Variants in FRMPD2 observed in about 807,000 individuals in gnomAD.
The protein encoded by FRMPD2 is FERM and PDZ domain containing 2.
FRMPD2 carries 96 observed loss-of-function variants against 140.1 expected under a neutral mutation model. That is an observed-to-expected ratio of 0.69 (90% confidence interval 0.58 to 0.81). The LOEUF is 0.81. Among genes scored for constraint, FRMPD2 ranks in the 40% least tolerant of loss-of-function variants. The probability of loss-of-function intolerance (pLI) is 0.00; values close to 1 mark genes in which losing one functional copy is unlikely to be tolerated. For missense variants in FRMPD2, 1,240 were observed against 1,447.4 expected, an observed-to-expected ratio of 0.86 and a Z score of 2.32; for synonymous variants, 449 against 547.6, an observed-to-expected ratio of 0.82 and a Z score of 2.52.
upstream of FRMPD2, chr10:48,274,805 G>A (rs894338482): frequency 2.3e-5 from 12 of 521,250 alleles, no homozygotes; most frequent in African/African-American, 2.1e-4. Flanking sequence ...CCTGTTAGCA[G>A]GCACTGCCAC....
chr10:48,198,140 T>A lies in FRMPD2; in HGVS notation c.1954+3088A>T, dbSNP rs146374578. 5.1e-3 allele frequency among the ~76,000 whole-genome samples: 773 copies of A among 152,338 alleles called. 5 individuals are homozygous for A. Among genetic ancestry groups the A allele is most frequent in the African/African-American group, 0.017 (691 of 41,560 alleles). The stretch of plus-strand genomic sequence containing the variant: ...GCCCCATTTTAACCAATAGTCTTAC[T>A]CTTAGTTATAACAATAATACACATT... On this transcript the variant is annotated intron_variant, in intron 15 of 28. Transcript: ENST00000374201.
At chr10:48,185,116 T>C (rs556694903) in intron 18 of FRMPD2, among the ~76,000 whole-genome samples, 59 of 152,320 alleles carry the variant, frequency 3.9e-4, no homozygotes, top group African/African-American at 1.4e-3. Flanking sequence ...AAACCACCAA[T>C]ATGCACTGGA....
intron 16 of FRMPD2, among the ~76,000 whole-genome samples, chr10:48,188,265 C>T (rs1838739602): frequency 6.6e-6 from 1 of 152,194 alleles, no homozygotes; most frequent in African/African-American, 2.4e-5. Context: ...ACCCTTGGAG[C>T]TGTGACACCA....
chr10:48,261,513 A>T (rs1840590191), intron 1 of FRMPD2, among the ~76,000 whole-genome samples: 1 of 152,154 alleles, frequency 6.6e-6, no homozygotes, highest in African/African-American at 2.4e-5. Flanking sequence ...TTTAAAGTGT[A>T]AAAATAAAAA....
rs1840207448 is a variant in FRMPD2 at position 48,244,816 on chromosome 10, A to C, written c.343T>G (p.Trp115Gly). The change falls in exon 4 of 29, where the codon TGG (tryptophan) becomes GGG (glycine). Residue 115 changes from tryptophan to glycine, a missense_variant. Around this residue, in one of 6 missense-constraint regions of FRMPD2, gnomAD observed 1,161 missense variants for 1,055.9 expected, o/e 1.10. Transcript: ENST00000374201. The part of the protein sequence containing the change: ...HVYSLGMTLY[W>G]SAGFHVPPHQ... Reference sequence around the variant, plus strand: ...GGCGGAACATGAAACCCTGCTGACCAGTAGAGGGTCATTCCTAAAGAATAG... The same window carrying C: ...GGCGGAACATGAAACCCTGCTGACCCGTAGAGGGTCATTCCTAAAGAATAG... 1 of 1,613,482 alleles carries C rather than the reference A, an allele frequency of 6.2e-7. No homozygotes were observed. The highest frequency in any genetic ancestry group is 1.3e-5 in the African/African-American group (1 of 74,920).
At chr10:48,233,077 C>T (rs747526378) in intron 9 of FRMPD2, among the ~76,000 whole-genome samples, 1 of 152,294 alleles carries the variant, frequency 6.6e-6, no homozygotes, top group South Asian at 2.1e-4. Flanking sequence ...CCTGAGTATC[C>T]CCATGTCCCA....
In FRMPD2 at chr10:48,157,128, C is replaced by T; in HGVS notation, c.*194G>A. On this transcript the variant is annotated 3_prime_UTR_variant, in exon 29 of 29. Transcript: ENST00000374201. ...GCGGCAAGCTGAAGTGACATTTACT[C>T]CCCGCGGAAGGACACAGGAGGCAGA... is the stretch of plus-strand genomic sequence containing the variant. The T allele has an allele frequency of 3.1e-6, 2 of 641,914 alleles. No homozygotes were observed. Among genetic ancestry groups the T allele is most frequent in the Non-Finnish European group, 5.8e-6 (2 of 347,802 alleles). 39.8% of individuals were successfully genotyped at this position (641,914 alleles called of 1,614,324 possible).
At chr10:48,269,984 T>C (rs917402056) in intron 1 of FRMPD2, among the ~76,000 whole-genome samples, 1 of 152,114 alleles carries the variant, frequency 6.6e-6, no homozygotes, top group Admixed American at 6.5e-5. Context: ...CACAGTGATA[T>C]CTACAAAGAG....
At chr10:48,254,327 C>G (rs1222869925) in intron 1 of FRMPD2, among the ~76,000 whole-genome samples, 1 of 152,172 alleles carries the variant, frequency 6.6e-6, no homozygotes. Context: ...GCAGGTAGGC[C>G]AAGATTTGTA....
At chr10:48,258,212 C>T (rs933766912) in intron 1 of FRMPD2, among the ~76,000 whole-genome samples, 1 of 152,220 alleles carries the variant, frequency 6.6e-6, no homozygotes, top group Non-Finnish European at 1.5e-5. Context: ...AGAAGGCAAA[C>T]TGCATTTTTC....
At chr10:48,261,278 A>C (rs1219634054) in intron 1 of FRMPD2, among the ~76,000 whole-genome samples, 1 of 152,154 alleles carries the variant, frequency 6.6e-6, no homozygotes, top group Non-Finnish European at 1.5e-5. Flanking sequence ...ACCAAACCAC[A>C]GATCTAGGAA....
At chr10:48,271,451 G>A (rs1464955670) in intron 1 of FRMPD2, among the ~76,000 whole-genome samples, 1 of 152,206 alleles carries the variant, frequency 6.6e-6, no homozygotes, top group Non-Finnish European at 1.5e-5. Flanking sequence ...CTATTGAAGA[G>A]TGAGTTCTGA....
At chr10:48,207,078 G>T (rs1839217876) in intron 13 of FRMPD2, 145 bp from the exon 14 acceptor site, 4 of 671,166 alleles carry the variant, frequency 6.0e-6, no homozygotes, top group African/African-American at 3.7e-5. Flanking sequence ...GAAACACTGG[G>T]TCAAACAGAT....
Position 48,168,623 on chromosome 10 carries a change from G to A in FRMPD2, c.3509C>T (p.Ala1170Val), listed in dbSNP as rs1478579196. ...CCATTCCTGCTCCAGCTCAGGCAGCGCACCTGGAGGGGGTCGGCAAAGGAG... is the reference window on the plus strand; with the variant it reads ...CCATTCCTGCTCCAGCTCAGGCAGCACACCTGGAGGGGGTCGGCAAAGGAG... ...TLLLCRPPPG[A>V]LPELEQEWQT... The change falls in exon 27 of 29, where the codon GCG (alanine) becomes GTG (valine). Residue 1170 changes from alanine to valine, a missense_variant. This residue lies in a region of FRMPD2 where 30 missense variants were observed against 227.5 expected (regional missense o/e 0.13). Transcript: ENST00000374201. 2.4e-5 allele frequency: 27 copies of A among 1,119,584 alleles called. 9 individuals are homozygous for A. The highest frequency in any genetic ancestry group is 3.0e-5 in the Non-Finnish European group (24 of 791,372). 69.4% of individuals were successfully genotyped at this position (1,119,584 alleles called of 1,614,324 possible). A position where few individuals can be genotyped will look rare whatever the true frequency, so the allele number is the denominator to read the frequency against.
intron 8 of FRMPD2, among the ~76,000 whole-genome samples, chr10:48,237,778 G>A (rs376786163): frequency 2.0e-5 from 3 of 152,134 alleles, no homozygotes; most frequent in South Asian, 2.1e-4. Context: ...CTTATACAGC[G>A]TCCCCCATAG....
At chr10:48,175,027 C>T (rs1388133379) in intron 23 of FRMPD2, 72 bp from the exon 24 acceptor site, 3 of 660,352 alleles carry the variant, frequency 4.5e-6, no homozygotes, top group Non-Finnish European at 7.6e-6. Flanking sequence ...CAGGAGGCCC[C>T]TGCCCGGCAC....
intron 12 of FRMPD2, among the ~76,000 whole-genome samples, chr10:48,220,657 C>A (rs1208071315): frequency 6.6e-6 from 1 of 152,184 alleles, no homozygotes; most frequent in African/African-American, 2.4e-5. Context: ...ACACAACCCA[C>A]AAAATAGGAG....
intron 9 of FRMPD2, among the ~76,000 whole-genome samples, chr10:48,233,940 T>G: frequency 6.6e-6 from 1 of 152,196 alleles, no homozygotes; most frequent in East Asian, 1.9e-4. Context: ...TGACAGTGGC[T>G]GTCCCCACCC....
At chr10:48,271,910 G>A (rs1840774803) in intron 1 of FRMPD2, among the ~76,000 whole-genome samples, 1 of 152,166 alleles carries the variant, frequency 6.6e-6, no homozygotes, top group African/African-American at 2.4e-5. Flanking sequence ...TATTGTGTCT[G>A]GCATATGGCA....
Sources: allele counts gnomAD v4.1 joint callset (sites outside exome capture counted in the v4.1 genomes callset), GRCh38; gene constraint gnomAD v4.1.1; regional missense constraint gnomAD v4.1.1; transcripts MANE v1.5; gene names NCBI Gene and HGNC (gene_info 2026-07-23, HGNC 2026-07-21).